Variants in NHEJ1 observed in about 807,000 individuals in gnomAD.
NHEJ1 encodes non-homologous end-joining factor 1.
Under a neutral mutation model 39.4 loss-of-function variants are expected in NHEJ1, and 22 were observed. The ratio of observed to expected loss-of-function variants is 0.56; its 90% confidence interval spans 0.40 to 0.80. The LOEUF is 0.80. Among genes scored for constraint, NHEJ1 ranks in the 30% least tolerant of loss-of-function variants. NHEJ1 has a pLI of 0.00. For synonymous variants in NHEJ1, 154 were observed against 135.6 expected (o/e 1.14, Z -0.94); for missense variants, 329 against 357.1 (o/e 0.92, Z 0.63).
chr2:219,080,496 G>A (rs1949052172), intron 5 of NHEJ1, among the ~76,000 whole-genome samples: 1 of 150,794 alleles, frequency 6.6e-6, no homozygotes, highest in African/African-American at 2.4e-5. Flanking sequence ...CTGCACTCCA[G>A]CCTGGGCGAC....
At chr2:219,078,758 C>T (rs982054491) in intron 5 of NHEJ1, among the ~76,000 whole-genome samples, 21 of 152,284 alleles carry the variant, frequency 1.4e-4, no homozygotes, top group African/African-American at 4.8e-4. Flanking sequence ...TGCTGTCCCA[C>T]CCTCCTTTAC....
intron 5 of NHEJ1, among the ~76,000 whole-genome samples, chr2:219,120,174 C>A (rs1455614209): frequency 6.6e-6 from 1 of 152,218 alleles, no homozygotes; most frequent in Non-Finnish European, 1.5e-5. Context: ...GTAGTAAGTT[C>A]ACTGAGCAGT....
At chr2:219,105,976 T>C (rs557781859) in intron 5 of NHEJ1, among the ~76,000 whole-genome samples, 167 of 152,354 alleles carry the variant, frequency 1.1e-3, no homozygotes, top group African/African-American at 3.8e-3. Flanking sequence ...TCTAACATAA[T>C]GCCTTGCAAA....
intron 1 of NHEJ1, among the ~76,000 whole-genome samples, chr2:219,160,219 C>T (rs756641640): frequency 1.3e-5 from 2 of 152,216 alleles, no homozygotes; most frequent in Non-Finnish European, 2.9e-5. Flanking sequence ...CAGCAGTGAC[C>T]CCTCTGGGCA....
intron 5 of NHEJ1, among the ~76,000 whole-genome samples, chr2:219,083,342 G>GCAGTAGTAAA (rs1949082744): frequency 6.6e-6 from 1 of 152,048 alleles, no homozygotes; most frequent in South Asian, 2.1e-4. Context: ...GTAAAAGGCT[G>GCAGTAGTAAA]AGAGTCAGAA....
intron 5 of NHEJ1, among the ~76,000 whole-genome samples, chr2:219,106,612 C>T (rs1489877112): frequency 1.3e-5 from 2 of 152,190 alleles, no homozygotes; most frequent in Non-Finnish European, 2.9e-5. Context: ...TCCTCATCTT[C>T]AGGCATAAAG....
intron 5 of NHEJ1, among the ~76,000 whole-genome samples, chr2:219,079,601 C>G (rs995281374): frequency 6.6e-6 from 1 of 152,204 alleles, no homozygotes; most frequent in African/African-American, 2.4e-5. Context: ...TGAATCAGAG[C>G]CCCGAGTCCA....
rs754840343 is a variant in NHEJ1, at chr2:219,076,466, G to A, written c.826-11C>T. 6.2e-7 allele frequency: 1 copy of A among 1,612,850 alleles called. No homozygotes were observed. The highest frequency in any genetic ancestry group is 8.5e-7 in the Non-Finnish European group (1 of 1,179,364). On this transcript the variant is annotated splice_polypyrimidine_tract_variant and intron_variant, in intron 7 of 7. Coordinates refer to ENST00000356853, the MANE Select transcript of NHEJ1 (RefSeq NM_024782.3). The stretch of plus-strand genomic sequence containing the variant: ...AGGGCCTGAAGTACCCTAGAAAAAA[G>A]GGAACCCAAGTTAGTAGGGGTTTTG...
intron 5 of NHEJ1, among the ~76,000 whole-genome samples, chr2:219,117,018 C>G (rs1445923465): frequency 6.6e-6 from 1 of 152,112 alleles, no homozygotes; most frequent in Non-Finnish European, 1.5e-5. Flanking sequence ...AGAGGCCTCT[C>G]TTCCCATCCC....
intron 1 of NHEJ1, among the ~76,000 whole-genome samples, chr2:219,159,814 C>T (rs1463544141): frequency 6.6e-6 from 1 of 151,748 alleles, no homozygotes; most frequent in Non-Finnish European, 1.5e-5. Flanking sequence ...CCCTTATAGG[C>T]ACTCCCCAGT....
chr2:219,152,354 T>A (rs1029579739), intron 3 of NHEJ1, among the ~76,000 whole-genome samples: 1 of 152,130 alleles, frequency 6.6e-6, no homozygotes, highest in Admixed American at 6.6e-5. Flanking sequence ...AATCTCAAGA[T>A]GAATCAAGCT....
At chr2:219,117,525 T>C (rs1175337790) in intron 5 of NHEJ1, among the ~76,000 whole-genome samples, 1 of 152,140 alleles carries the variant, frequency 6.6e-6, no homozygotes, top group African/African-American at 2.4e-5. Context: ...AGCCAGAATG[T>C]TGGGGAAACG....
At chr2:219,146,538 C>T (rs1026232668) in intron 5 of NHEJ1, 142 bp downstream of exon 5, 2 of 770,546 alleles carry the variant, frequency 2.6e-6, no homozygotes, top group African/African-American at 3.4e-5. Flanking sequence ...CAAGCCTTAT[C>T]AGACTTTCTA....
intron 5 of NHEJ1, among the ~76,000 whole-genome samples, chr2:219,140,508 G>A (rs985955035): frequency 7.9e-5 from 12 of 152,136 alleles, no homozygotes; most frequent in Non-Finnish European, 1.6e-4. Context: ...GTGAGATTAC[G>A]GGCATAGTTT....
intron 5 of NHEJ1, among the ~76,000 whole-genome samples, chr2:219,099,677 A>G (rs1215182623): frequency 6.6e-6 from 1 of 152,004 alleles, no homozygotes; most frequent in Admixed American, 6.5e-5. Flanking sequence ...GAAGACGTGC[A>G]TCCCAGCTCC....
At chr2:219,153,869 T>A (rs1949823762) in intron 3 of NHEJ1, among the ~76,000 whole-genome samples, 1 of 152,128 alleles carries the variant, frequency 6.6e-6, no homozygotes, top group African/African-American at 2.4e-5. Flanking sequence ...CTGGAAGGAG[T>A]TAAGCTGCAT....
At chr2:219,159,526 C>T (rs1311787469) in intron 1 of NHEJ1, among the ~76,000 whole-genome samples, 1 of 42,092 alleles carries the variant, frequency 2.4e-5, no homozygotes, top group African/African-American at 9.2e-5. Context: ...TATATATATG[C>T]ATATATATAT....
intron 5 of NHEJ1, among the ~76,000 whole-genome samples, chr2:219,114,666 T>A (rs958083349): frequency 6.6e-6 from 1 of 152,186 alleles, no homozygotes; most frequent in Non-Finnish European, 1.5e-5. Flanking sequence ...GGGAGCAGAC[T>A]GCAAGCACGA....
intron 5 of NHEJ1, among the ~76,000 whole-genome samples, chr2:219,105,242 A>C (rs761034277): frequency 2.0e-5 from 3 of 152,224 alleles, no homozygotes; most frequent in African/African-American, 4.8e-5. Context: ...CTGTCACTAT[A>C]GTCTAAGGTT....
Sources: gnomAD v4.1 joint callset for allele counts (sites outside exome capture counted in the v4.1 genomes callset) on GRCh38, gnomAD v4.1.1 for gene constraint, MANE v1.5 for transcripts, NCBI Gene and HGNC (gene_info 2026-07-23, HGNC 2026-07-21) for gene names.